NUP98: variants seen among roughly 807,000 people sequenced by gnomAD.
The protein encoded by NUP98 is nucleoporin 98 and 96 precursor.
NUP98 carries 26 observed loss-of-function variants against 191.9 expected under a neutral mutation model. The observed-to-expected ratio is 0.14, with a 90% confidence interval of 0.10 to 0.19. The LOEUF (loss-of-function observed/expected upper bound fraction) is 0.19, where lower values mean the gene tolerates loss of function less well. Among genes scored for constraint, NUP98 ranks in the 10% least tolerant of loss-of-function variants. The probability of loss-of-function intolerance (pLI) is 1.00; values close to 1 mark genes in which losing one functional copy is unlikely to be tolerated. For missense variants in NUP98, 1,941 were observed against 2,178.8 expected, an observed-to-expected ratio of 0.89 and a Z score of 2.17; for synonymous variants, 808 against 778.4, an observed-to-expected ratio of 1.04 and a Z score of -0.63.
intron 18 of NUP98, among the ~76,000 whole-genome samples, chr11:3,718,585 G>A (rs2079271796): frequency 1.3e-5 from 2 of 151,990 alleles, no homozygotes; most frequent in Admixed American, 1.3e-4. Flanking sequence ...GAAAAGAAAA[G>A]AAGCGGAAGG....
chr11:3,728,356 G>T (rs1033905987), intron 14 of NUP98, among the ~76,000 whole-genome samples: 1 of 152,182 alleles, frequency 6.6e-6, no homozygotes, highest in Non-Finnish European at 1.5e-5. Flanking sequence ...GTTTTGAGGA[G>T]AAAAGGGAAA....
chr11:3,780,186 A>G (rs2133940668), intron 2 of NUP98, among the ~76,000 whole-genome samples: 1 of 152,088 alleles, frequency 6.6e-6, no homozygotes, highest in South Asian at 2.1e-4. Flanking sequence ...AACCACAGAC[A>G]TGGACGTAGA....
intron 25 of NUP98, among the ~76,000 whole-genome samples, chr11:3,697,700 C>T (rs888509562): frequency 6.6e-6 from 1 of 151,804 alleles, no homozygotes; most frequent in Non-Finnish European, 1.5e-5. Flanking sequence ...CCTGTAATCC[C>T]AGCTACTCAG....
rs562143187 is a variant in NUP98, at chr11:3,762,631, T to C, written c.1086+271A>G. Reference sequence around the variant, plus strand: ...GAATTTCAATTTAGACTCAACAATTTAACCAATGCTATCAGAAGTATGATG... The same window carrying C: ...GAATTTCAATTTAGACTCAACAATTCAACCAATGCTATCAGAAGTATGATG... On this transcript the variant is annotated intron_variant, in intron 9 of 32. Transcript: ENST00000324932. Among the ~76,000 whole-genome samples the C allele has an allele frequency of 2.6e-5, 4 of 152,294 alleles. No individual in the cohort carries two copies. The South Asian group carries it at 8.3e-4, about 32-fold the overall frequency.
intron 23 of NUP98, among the ~76,000 whole-genome samples, chr11:3,702,146 G>T (rs541238546): frequency 6.6e-6 from 1 of 151,844 alleles, no homozygotes; most frequent in Non-Finnish European, 1.5e-5. Context: ...GCTGAGGCAG[G>T]AGAAGAGCCT....
intron 1 of NUP98, among the ~76,000 whole-genome samples, chr11:3,783,909 TA>T (rs2082056979): frequency 6.6e-6 from 1 of 151,886 alleles, no homozygotes; most frequent in African/African-American, 2.4e-5. Context: ...AAAATAAAAA[TA>T]AAAAATAGCT....
At chr11:3,701,723 T>C (rs142662323) in intron 23 of NUP98, among the ~76,000 whole-genome samples, 1,516 of 151,578 alleles carry the variant, frequency 0.01, 39 homozygotes, top group African/African-American at 0.033. Context: ...TCTCATTCAG[T>C]TGCCCAGGCT....
rs2077777569 is a variant in NUP98 at position 3,675,441 on chromosome 11, C to A, written c.*718G>T. On this transcript the variant is annotated 3_prime_UTR_variant, in exon 33 of 33. Transcript: ENST00000324932. ...TCTCAGCAAGACTGAAAACCAGGGA[C>A]CAAACCAAACTCTGGGAGCTTCCCA... 8.8e-6 allele frequency: 2 copies of A among 227,262 alleles called. No individual in the cohort carries two copies. Among genetic ancestry groups the A allele is most frequent in the Admixed American group, 1.1e-4 (2 of 17,546 alleles). The allele number at this position is 227,262 out of a possible 1,614,324, so 14.1% of individuals were successfully genotyped here. A position where few individuals can be genotyped will look rare whatever the true frequency, so the allele number is the denominator to read the frequency against.
At chr11:3,680,868 T>C (rs2134007814) in intron 30 of NUP98, among the ~76,000 whole-genome samples, 1 of 152,214 alleles carries the variant, frequency 6.6e-6, no homozygotes, top group East Asian at 1.9e-4. Flanking sequence ...TTTTTTGTTT[T>C]TCTTTTCTTT....
intron 11 of NUP98, among the ~76,000 whole-genome samples, chr11:3,749,750 CAA>C (rs992991680): frequency 6.7e-6 from 1 of 148,954 alleles, no homozygotes; most frequent in Admixed American, 6.6e-5. Context: ...AAAAAAAAAA[CAA>C]AGATATTCAC....
chr11:3,772,521 A>T (rs2081562641), intron 6 of NUP98, among the ~76,000 whole-genome samples: 1 of 152,188 alleles, frequency 6.6e-6, no homozygotes, highest in Non-Finnish European at 1.5e-5. Context: ...ACAGCCATTA[A>T]AAAGTACATA....
intron 28 of NUP98, among the ~76,000 whole-genome samples, chr11:3,688,850 A>T (rs2078216700): frequency 7.9e-6 from 1 of 127,070 alleles, no homozygotes. Flanking sequence ...TATTTATAAG[A>T]AATCACCTTG....
intron 18 of NUP98, 60 bp from the exon 19 acceptor site, chr11:3,714,055 C>G: frequency 2.7e-6 from 4 of 1,483,498 alleles, no homozygotes; most frequent in Non-Finnish European, 3.7e-6. Context: ...TATATAAGAC[C>G]AGAAAGCCAC....
intron 4 of NUP98, among the ~76,000 whole-genome samples, chr11:3,778,113 G>A (rs573140584): frequency 6.7e-6 from 1 of 150,172 alleles, no homozygotes. Context: ...GCAGGAGAAT[G>A]GCATGAACCC....
At chr11:3,701,871 T>C (rs534501773) in intron 23 of NUP98, among the ~76,000 whole-genome samples, 27 of 152,026 alleles carry the variant, frequency 1.8e-4, no homozygotes, top group African/African-American at 6.3e-4. Flanking sequence ...GTATTTTTAG[T>C]AGAGACAGAG....
chr11:3,725,451 C>T (rs1046665336), intron 14 of NUP98, among the ~76,000 whole-genome samples: 1 of 152,204 alleles, frequency 6.6e-6, no homozygotes, highest in Non-Finnish European at 1.5e-5. Context: ...TGAACACCTT[C>T]AAGTCAAAGT....
chr11:3,680,806 C>T (rs192414945), intron 30 of NUP98, among the ~76,000 whole-genome samples: 10 of 152,166 alleles, frequency 6.6e-5, no homozygotes, highest in Admixed American at 1.3e-4. Context: ...TCTTGGCCCC[C>T]CAAAGTGCTG....
intron 26 of NUP98, among the ~76,000 whole-genome samples, 155 bp downstream of exon 26, chr11:3,695,294 G>C (rs2078465198): frequency 6.6e-6 from 1 of 152,202 alleles, no homozygotes; most frequent in Non-Finnish European, 1.5e-5. Context: ...TTAAAAGTGT[G>C]CATGCCTGCC....
intron 12 of NUP98, among the ~76,000 whole-genome samples, chr11:3,743,087 C>T (rs1019851479): frequency 1.3e-5 from 2 of 151,874 alleles, no homozygotes; most frequent in South Asian, 2.1e-4. Flanking sequence ...GGCGCGATCT[C>T]GGCTCACTGT....
Sources: allele counts gnomAD v4.1 joint callset (sites outside exome capture counted in the v4.1 genomes callset), GRCh38; gene constraint gnomAD v4.1.1; transcripts MANE v1.5; gene names NCBI Gene and HGNC (gene_info 2026-07-23, HGNC 2026-07-21).